VSIG10: variants seen among roughly 807,000 people sequenced by gnomAD.
VSIG10 encodes the protein V-set and immunoglobulin domain-containing protein 10.
Under a neutral mutation model 58.7 loss-of-function variants are expected in VSIG10, and 48 were observed. That is an observed-to-expected ratio of 0.82 (90% CI 0.65 to 1.04). The LOEUF is 1.04. VSIG10 is among the 50% of genes least tolerant of loss of function. The probability of loss-of-function intolerance (pLI) is 0.00; values close to 1 mark genes in which losing one functional copy is unlikely to be tolerated. For missense variants in VSIG10, 628 were observed against 670.0 expected (o/e 0.94, Z 0.69); for synonymous variants, 260 against 267.1 (o/e 0.97, Z 0.26).
intron 2 of VSIG10, among the ~76,000 whole-genome samples, chr12:118,095,051 G>A (rs990900712): frequency 3.9e-5 from 6 of 152,112 alleles, no homozygotes; most frequent in East Asian, 1.9e-4. Flanking sequence ...CTACAGGTGC[G>A]CGCCACCACG....
At chr12:118,072,187 C>T (rs571115313) in intron 5 of VSIG10, among the ~76,000 whole-genome samples, 6 of 150,624 alleles carry the variant, frequency 4.0e-5, no homozygotes, top group Admixed American at 2.0e-4. Flanking sequence ...GAAAGAGGGC[C>T]GGGCGCGGTG....
In VSIG10 at chr12:118,071,420, C is replaced by G; in HGVS notation, c.1269G>C (p.Leu423=). 1 of 1,613,934 alleles carries G rather than the reference C, an allele frequency of 6.2e-7. No individual in the cohort carries two copies. The stretch of plus-strand genomic sequence containing the variant: ...GCCCTGAGATAATGGCCAGTCCCAG[C>G]AGAAGGAGGCTCACAATGGTTCCCA... ...GIVGTIVSLL[L]LGLAIISGLL... The change falls in exon 6 of 9, where the codon CTG becomes CTC. Residue 423 remains leucine, a synonymous_variant. Transcript: ENST00000359236.
rs1422545228 is a variant in VSIG10 at position 118,068,533 on chromosome 12, C to G, written c.1411G>C (p.Glu471Gln). The G allele has an allele frequency of 1.1e-5, 17 of 1,602,922 alleles. No homozygotes were observed. Among genetic ancestry groups the G allele is most frequent in the Non-Finnish European group, 1.4e-5 (17 of 1,173,572 alleles). The stretch of plus-strand genomic sequence containing the variant: ...CCTACTGCAGCATCTTCCTCCTCCT[C>G]CTCCTCCTCCTCCTCTTCCTCTTCT... ...DSEEEEEEEE[E>Q]EEEDAAVGEQ... Residue 471 changes from glutamate to glutamine, a missense_variant, in exon 8 of 9, where the codon GAG (glutamate) becomes CAG (glutamine). Glu to Gln is a conservative substitution (Grantham distance 29). Transcript: ENST00000359236.
Position 118,095,600 on chromosome 12 carries a change from C to A in VSIG10, c.294G>T (p.Glu98Asp). 1 of 1,613,488 alleles carries A rather than the reference C, an allele frequency of 6.2e-7. No homozygotes were observed. Among genetic ancestry groups the A allele is most frequent in the Non-Finnish European group, 8.5e-7 (1 of 1,179,738 alleles). The change falls in exon 2 of 9, where the codon GAG becomes GAT. Residue 98 changes from glutamate to aspartate, a missense_variant. By Grantham distance (45) the Glu-to-Asp change is conservative. Coordinates refer to ENST00000359236, the MANE Select transcript of VSIG10 (RefSeq NM_019086.6). ...LHIESLSLGD[E>D]GIYTCQEILN... Reference sequence around the variant, plus strand: ...GGATCTCCTGGCAGGTGTAGATTCCCTCATCTCCCAGGCTCAGCGATTCAA... The same window carrying A: ...GGATCTCCTGGCAGGTGTAGATTCCATCATCTCCCAGGCTCAGCGATTCAA...
At chr12:118,069,309 C>T (rs1182830762) in intron 7 of VSIG10, among the ~76,000 whole-genome samples, 8 of 151,574 alleles carry the variant, frequency 5.3e-5, no homozygotes, top group Admixed American at 3.9e-4. Flanking sequence ...AGGCTGGTCT[C>T]GAATGCCTGG....
intron 6 of VSIG10, 122 bp from the exon 7 acceptor site, chr12:118,071,189 A>T: frequency 7.9e-7 from 1 of 1,271,648 alleles, no homozygotes; most frequent in Admixed American, 2.0e-5. Flanking sequence ...ATGACAGGTG[A>T]TAGGGTGTCC....
intron 3 of VSIG10, among the ~76,000 whole-genome samples, chr12:118,080,339 T>A (rs534129173): frequency 1.1e-4 from 16 of 151,898 alleles, no homozygotes; most frequent in East Asian, 7.8e-4. Flanking sequence ...ATTTTTTTTT[T>A]AAATAGAGAC....
chr12:118,083,107 C>T lies in VSIG10; in HGVS notation c.362-678G>A, dbSNP rs539620913. Reference sequence around the variant, plus strand: ...CAGCCTAAGCAACACAGCAAGTCTCCGTCTCACAAAAAAAAAAAAAAAAAA... The same window carrying T: ...CAGCCTAAGCAACACAGCAAGTCTCTGTCTCACAAAAAAAAAAAAAAAAAA... On this transcript the variant is annotated intron_variant, in intron 2 of 8. Transcript: ENST00000359236. Among the ~76,000 whole-genome samples the T allele has an allele frequency of 1.3e-4, 13 of 101,010 alleles. No individual in the cohort carries two copies. In the Admixed American group the frequency reaches 1.5e-3, roughly 12 times the overall value. The allele number at this position is 101,010 out of a possible 152,430, so 66.3% of individuals were successfully genotyped here.
intron 1 of VSIG10, among the ~76,000 whole-genome samples, chr12:118,100,765 G>A (rs951408191): frequency 1.3e-5 from 2 of 152,142 alleles, no homozygotes; most frequent in African/African-American, 2.4e-5. Context: ...CTGACCTCAG[G>A]TGATCTGCCC....
chr12:118,071,348 G>A lies in VSIG10; in HGVS notation c.1330+11C>T. On this transcript the variant is annotated intron_variant, in intron 6 of 8. Transcript: ENST00000359236. Reference sequence around the variant, plus strand: ...CTGGAAGAGAAGCTAAAGGACCCAGGGAGTCCTTACCTTTCCAGCAGAACA... The same window carrying A: ...CTGGAAGAGAAGCTAAAGGACCCAGAGAGTCCTTACCTTTCCAGCAGAACA... 1 of 1,609,746 alleles carries A rather than the reference G, an allele frequency of 6.2e-7. No homozygotes were observed. Among genetic ancestry groups the A allele is most frequent in the Non-Finnish European group, 8.5e-7 (1 of 1,176,386 alleles).
rs747089803 is a variant in VSIG10, at chr12:118,071,416, CCAG to C, written c.1270_1272del (p.Leu424del). Reference sequence around the variant, plus strand: ...AGAAGCCCTGAGATAATGGCCAGTCCCAGCAGAAGGAGGCTCACAATGGTTCCC... The same window carrying C: ...AGAAGCCCTGAGATAATGGCCAGTCCCAGAAGGAGGCTCACAATGGTTCCC... On this transcript the variant is annotated inframe_deletion, in exon 6 of 9. Transcript: ENST00000359236. 4 of 1,613,920 alleles carry C rather than the reference CCAG, an allele frequency of 2.5e-6. No homozygotes were observed. Among genetic ancestry groups the C allele is most frequent in the Non-Finnish European group, 2.5e-6 (3 of 1,179,888 alleles).
chr12:118,081,544 A>G (rs1377812714), intron 3 of VSIG10, among the ~76,000 whole-genome samples: 2 of 148,738 alleles, frequency 1.3e-5, no homozygotes, highest in Non-Finnish European at 3.0e-5. Flanking sequence ...TAGGGGAAAG[A>G]AAAAAAAAAG....
Position 118,066,513 on chromosome 12 carries a change from G to T in VSIG10, c.*126C>A. ...TGTGCTTGGTTTTGTTTTTTGCTGA[G>T]ACCCAAACATTGTTAGTGCAAGCCC... On this transcript the variant is annotated 3_prime_UTR_variant, in exon 9 of 9. Transcript: ENST00000359236. 1.0e-6 allele frequency: 1 copy of T among 976,774 alleles called. No individual in the cohort carries two copies. Among genetic ancestry groups the T allele is most frequent in the Non-Finnish European group, 1.6e-6 (1 of 614,014 alleles). 60.5% of individuals were successfully genotyped at this position (976,774 alleles called of 1,614,324 possible).
chr12:118,096,625 A>G (rs905010455), intron 1 of VSIG10, among the ~76,000 whole-genome samples: 1 of 150,438 alleles, frequency 6.6e-6, no homozygotes, highest in South Asian at 2.1e-4. Context: ...ATGTAGTCCC[A>G]GCTAGTTGGG....
intron 1 of VSIG10, among the ~76,000 whole-genome samples, chr12:118,097,196 G>A (rs1300027775): frequency 1.3e-5 from 2 of 152,160 alleles, no homozygotes; most frequent in Admixed American, 1.3e-4. Context: ...CATCACTGGG[G>A]GGCCATCCCA....
At chr12:118,097,751 G>A (rs192372590) in intron 1 of VSIG10, among the ~76,000 whole-genome samples, 74 of 151,996 alleles carry the variant, frequency 4.9e-4, no homozygotes, top group Admixed American at 1.5e-3. Context: ...GTGAAACCCC[G>A]TCTCTACTAA....
chr12:118,079,771 C>G (rs1182057423), intron 3 of VSIG10, among the ~76,000 whole-genome samples, 165 bp from the exon 4 acceptor site: 2 of 152,210 alleles, frequency 1.3e-5, no homozygotes, highest in African/African-American at 4.8e-5. Context: ...AACAGTCAGG[C>G]TTCCTCTGTT....
At position 118,103,711 on chromosome 12, in the gene VSIG10, T is replaced by C; in HGVS notation, c.-40A>G. On this transcript the variant is annotated 5_prime_UTR_variant, in exon 1 of 9. Transcript: ENST00000359236. ...CGGCTCAGGAAACGCAGGCTCGGGCTGGGCTGGACGTGTGTGCCCCAGGGC... is the reference window on the plus strand; with the variant it reads ...CGGCTCAGGAAACGCAGGCTCGGGCCGGGCTGGACGTGTGTGCCCCAGGGC... 2 of 1,451,738 alleles carry C rather than the reference T, an allele frequency of 1.4e-6. No individual in the cohort carries two copies. The highest frequency in any genetic ancestry group is 1.8e-6 in the Non-Finnish European group (2 of 1,107,292). 89.9% of individuals were successfully genotyped at this position (1,451,738 alleles called of 1,614,324 possible).
chr12:118,095,403 C>T, intron 2 of VSIG10, 130 bp downstream of exon 2: 2 of 1,202,932 alleles, frequency 1.7e-6, no homozygotes, highest in Non-Finnish European at 2.3e-6. Flanking sequence ...GGTCCCTCAG[C>T]TTCCATGTGG....
Sources: gnomAD v4.1 joint callset for allele counts (sites outside exome capture counted in the v4.1 genomes callset) on GRCh38, gnomAD v4.1.1 for gene constraint, MANE v1.5 for transcripts, NCBI Gene and HGNC (gene_info 2026-07-23, HGNC 2026-07-21) for gene names.